The following CHODL variants were observed in gnomAD, a reference collection of about 807,000 sequenced individuals.
The protein encoded by CHODL is transmembrane protein MT75.
CHODL carries 29 observed loss-of-function variants against 34.5 expected under a neutral mutation model. That is an observed-to-expected ratio of 0.84 (90% CI 0.63 to 1.15). The LOEUF is 1.15. CHODL is among the 50% of genes most tolerant of loss of function. The pLI, the probability that CHODL is intolerant of heterozygous loss-of-function variation, is 0.00. For synonymous variants in CHODL, 125 were observed against 116.1 expected (o/e 1.08, Z -0.49); for missense variants, 332 against 332.5 (o/e 1.00, Z 0.01).
chr21:18,253,816 G>C (rs2074285080), intron 1 of CHODL, among the ~76,000 whole-genome samples: 1 of 151,902 alleles, frequency 6.6e-6, no homozygotes, highest in African/African-American at 2.4e-5. Flanking sequence ...TAACAATTTG[G>C]GCAGCCTGTT....
At chr21:18,262,243 C>T (rs1053831744) in intron 4 of CHODL, among the ~76,000 whole-genome samples, 3 of 151,956 alleles carry the variant, frequency 2.0e-5, no homozygotes, top group Non-Finnish European at 2.9e-5. Context: ...TAACTTTTAC[C>T]AAAACATGAA....
intron 2 of CHODL, among the ~76,000 whole-genome samples, chr21:18,194,019 T>C (rs539239643): frequency 5.1e-4 from 77 of 152,230 alleles, no homozygotes; most frequent in African/African-American, 1.7e-3. Flanking sequence ...TCTACCTTTG[T>C]AGCATATCCT....
intron 2 of CHODL, among the ~76,000 whole-genome samples, chr21:18,130,665 T>C (rs570973136): frequency 6.6e-6 from 1 of 152,278 alleles, no homozygotes; most frequent in African/African-American, 2.4e-5. Context: ...AAAAAATCTG[T>C]TCTTTAAATC....
At position 18,046,551 on chromosome 21, in the gene CHODL, G is replaced by A. The variant is rs577219373; in HGVS notation, c.-45+18580G>A. Among the ~76,000 whole-genome samples the A allele has an allele frequency of 6.1e-4, 93 of 152,024 alleles. 1 individual carries two copies. Among genetic ancestry groups the A allele is most frequent in the Middle Eastern group, 6.8e-3 (2 of 294 alleles). ...GAGCAAACAAGTAGGTAATGGTAAT[G>A]TCATTTATTCAAATGGCAATGACTA... is the stretch of plus-strand genomic sequence containing the variant. On this transcript the variant is annotated intron_variant, in intron 2 of 6. Coordinates refer to the CHODL transcript ENST00000400127.
chr21:18,217,242 T>C (rs960302093), intron 2 of CHODL, among the ~76,000 whole-genome samples: 1 of 152,184 alleles, frequency 6.6e-6, no homozygotes, highest in African/African-American at 2.4e-5. Context: ...TCCATTCTCA[T>C]GCTGCTATAA....
intron 1 of CHODL, among the ~76,000 whole-genome samples, chr21:18,251,683 TA>T (rs1354092141): frequency 1.5e-5 from 2 of 137,894 alleles, no homozygotes; most frequent in Admixed American, 7.5e-5. Context: ...TTTTAATATA[TA>T]AAATAAATAT....
At chr21:18,175,730 A>G (rs2073300408) in intron 2 of CHODL, among the ~76,000 whole-genome samples, 1 of 123,932 alleles carries the variant, frequency 8.1e-6, no homozygotes, top group African/African-American at 2.6e-5. Flanking sequence ...GTACTGAGAT[A>G]GAGAGTATCA....
chr21:18,199,362 T>C (rs1396574794), intron 2 of CHODL, among the ~76,000 whole-genome samples: 2 of 152,150 alleles, frequency 1.3e-5, no homozygotes, highest in Non-Finnish European at 2.9e-5. Flanking sequence ...ATTGAGCAGA[T>C]AGCACAGAGA....
intron 4 of CHODL, among the ~76,000 whole-genome samples, chr21:18,261,360 TA>T (rs60033114): frequency 0.13 from 18,443 of 137,618 alleles, 1,301 homozygotes; most frequent in African/African-American, 0.22. Context: ...TAAAGTATGA[TA>T]AAAAAAAAAA....
intron 2 of CHODL, among the ~76,000 whole-genome samples, chr21:18,100,473 G>C (rs539759466): frequency 6.6e-6 from 1 of 152,044 alleles, no homozygotes; most frequent in Admixed American, 6.6e-5. Context: ...TGTTTGGTTT[G>C]TGAATGAGCT....
intron 2 of CHODL, among the ~76,000 whole-genome samples, chr21:18,033,263 G>C (rs569879556): frequency 6.6e-6 from 1 of 152,112 alleles, no homozygotes; most frequent in East Asian, 1.9e-4. Context: ...GCATTTCACT[G>C]TGAACATAGC....
chr21:18,191,957 C>T (rs1232730419), intron 2 of CHODL, among the ~76,000 whole-genome samples: 2 of 152,088 alleles, frequency 1.3e-5, no homozygotes, highest in African/African-American at 4.8e-5. Context: ...AAAAAGGAAA[C>T]TTGTGAAAAT....
chr21:18,251,480 T>TTTTAATATATAAAATAAATATTTA (rs2074240047), intron 1 of CHODL, among the ~76,000 whole-genome samples: 2 of 90,902 alleles, frequency 2.2e-5, no homozygotes, highest in African/African-American at 5.7e-5. Flanking sequence ...TAATTATTTA[T>TTTTAATATATAAAATAAATATTTA]TTTAATATAT....
intron 1 of CHODL, among the ~76,000 whole-genome samples, chr21:18,004,430 A>G (rs2063940960): frequency 6.6e-6 from 1 of 152,262 alleles, no homozygotes; most frequent in African/African-American, 2.4e-5. Flanking sequence ...CACATCAGTT[A>G]CAACAGAAAT....
intron 2 of CHODL, among the ~76,000 whole-genome samples, chr21:18,111,312 T>C (rs1310315214): frequency 2.6e-5 from 4 of 152,212 alleles, no homozygotes; most frequent in Admixed American, 1.3e-4. Context: ...ATTTCTTTTT[T>C]AATTTAGTGA....
chr21:18,195,939 G>C (rs1018771902), intron 2 of CHODL, among the ~76,000 whole-genome samples: 4 of 152,244 alleles, frequency 2.6e-5, no homozygotes, highest in East Asian at 3.9e-4. Flanking sequence ...ATGAGGAGAA[G>C]GTCAGAGGCA....
At chr21:17,950,109 T>G (rs1303908209) in intron 1 of CHODL, among the ~76,000 whole-genome samples, 1 of 152,070 alleles carries the variant, frequency 6.6e-6, no homozygotes, top group Non-Finnish European at 1.5e-5. Context: ...CACAATAATT[T>G]TAAACAACAA....
chr21:17,973,496 G>A (rs1475534857), intron 1 of CHODL, among the ~76,000 whole-genome samples: 1 of 146,516 alleles, frequency 6.8e-6, no homozygotes, highest in Non-Finnish European at 1.5e-5. Context: ...GGCTCACTGC[G>A]AGCTCTGCCT....
intron 2 of CHODL, among the ~76,000 whole-genome samples, chr21:18,067,530 GCAGCCCTTTGAAAGAACCAATCCTGAAA>G (rs1167513763): frequency 6.6e-6 from 1 of 152,108 alleles, no homozygotes; most frequent in African/African-American, 2.4e-5. Context: ...ATTCTTCCTC[GCAGCCCTTTGAAAGAACCAATCCTGAAA>G]CAGCCCTTTG....
Sources: gnomAD v4.1 joint callset for allele counts (sites outside exome capture counted in the v4.1 genomes callset) on GRCh38, gnomAD v4.1.1 for gene constraint, MANE v1.5 for transcripts, NCBI Gene and HGNC (gene_info 2026-07-23, HGNC 2026-07-21) for gene names.